PAPSS1: variants seen among roughly 807,000 people sequenced by gnomAD.
PAPSS1 encodes bifunctional 3'-phosphoadenosine 5'-phosphosulfate synthase 1.
In PAPSS1, 50 loss-of-function variants were observed where a neutral mutation model predicts 72.0. The observed-to-expected ratio is 0.69, with a 90% CI of 0.55 to 0.88. The LOEUF (loss-of-function observed/expected upper bound fraction) is 0.88, where lower values mean the gene tolerates loss of function less well. PAPSS1 is among the 40% of genes least tolerant of loss of function. The pLI is 0.00. For synonymous variants in PAPSS1, 261 were observed against 263.6 expected (o/e 0.99, Z 0.09); for missense variants, 657 against 782.2 (o/e 0.84, Z 1.91).
chr4:107,715,513 T>A (rs1235407360), intron 1 of PAPSS1, among the ~76,000 whole-genome samples: 1 of 152,246 alleles, frequency 6.6e-6, no homozygotes, highest in Admixed American at 6.5e-5. Flanking sequence ...TTTTGTATCA[T>A]CTGAGTATTC....
intron 8 of PAPSS1, 66 bp downstream of exon 8, chr4:107,654,629 T>C: frequency 7.9e-7 from 1 of 1,265,432 alleles, no homozygotes; most frequent in Non-Finnish European, 1.2e-6. Flanking sequence ...ACACAGAAAA[T>C]GCCCACATTT....
intron 9 of PAPSS1, among the ~76,000 whole-genome samples, chr4:107,648,267 T>G (rs1446590739): frequency 6.6e-6 from 1 of 152,200 alleles, no homozygotes; most frequent in Non-Finnish European, 1.5e-5. Flanking sequence ...AATGAAGATA[T>G]CAGCATTCCG....
Position 107,644,931 on chromosome 4 carries a change from C to T in PAPSS1, c.1377G>A (p.Lys459=). ...LLLHPLGGWT[K]DDDVPLMWRM... Reference sequence around the variant, plus strand: ...GCCACATCAAAGGAACATCGTCATCCTTTGTCCAGCCACCCAGAGGGTGGA... The same window carrying T: ...GCCACATCAAAGGAACATCGTCATCTTTTGTCCAGCCACCCAGAGGGTGGA... The change falls in exon 10 of 12, where the codon AAG becomes AAA. Residue 459 remains lysine (K), a synonymous_variant. Coordinates refer to ENST00000265174, the MANE Select transcript of PAPSS1 (RefSeq NM_005443.5). 6.2e-7 allele frequency: 1 copy of T among 1,614,072 alleles called. No individual in the cohort carries two copies. The highest frequency in any genetic ancestry group is 8.5e-7 in the Non-Finnish European group (1 of 1,179,968).
intron 1 of PAPSS1, among the ~76,000 whole-genome samples, chr4:107,707,576 C>G (rs1156685481): frequency 6.6e-6 from 1 of 152,124 alleles, no homozygotes; most frequent in Non-Finnish European, 1.5e-5. Context: ...TGCTTACTGC[C>G]CTCTTCCTCC....
intron 2 of PAPSS1, 156 bp from the exon 3 acceptor site, chr4:107,694,162 C>CA (rs1723010418): frequency 3.4e-6 from 2 of 596,028 alleles, no homozygotes; most frequent in East Asian, 5.6e-5. Flanking sequence ...CTCCTGGACT[C>CA]AAGAGATCAT....
intron 11 of PAPSS1, among the ~76,000 whole-genome samples, chr4:107,630,683 G>A (rs1726205057): frequency 6.6e-6 from 1 of 151,920 alleles, no homozygotes; most frequent in African/African-American, 2.4e-5. Context: ...TAAGATCTTT[G>A]AAGACAGAAG....
At chr4:107,664,194 TGGTAAGA>T (rs1727258268) in intron 5 of PAPSS1, among the ~76,000 whole-genome samples, 1 of 152,174 alleles carries the variant, frequency 6.6e-6, no homozygotes, top group Admixed American at 6.6e-5. Flanking sequence ...TCAACTTCAA[TGGTAAGA>T]AAAACTCTAT....
At chr4:107,626,037 G>A (rs538082458) in intron 11 of PAPSS1, among the ~76,000 whole-genome samples, 15 of 151,896 alleles carry the variant, frequency 9.9e-5, no homozygotes, top group Non-Finnish European at 1.6e-4. Flanking sequence ...AAATAGCCGG[G>A]CGCGGTGGCA....
chr4:107,656,754 T>C (rs955970302), intron 7 of PAPSS1, 142 bp downstream of exon 7: 3 of 627,968 alleles, frequency 4.8e-6, no homozygotes, highest in African/African-American at 3.7e-5. Context: ...AAATAAAGTG[T>C]TCGGTACTGA....
chr4:107,654,745 G>C lies in PAPSS1; in HGVS notation c.1051C>G (p.Arg351Gly). 2 of 1,613,708 alleles carry C rather than the reference G, an allele frequency of 1.2e-6. No individual in the cohort carries two copies. Among genetic ancestry groups the C allele is most frequent in the Non-Finnish European group, 1.7e-6 (2 of 1,179,872 alleles). Reference protein sequence around the residue: ...PEFFEHRKEERCARQWGTTCK... With the variant: ...PEFFEHRKEEGCARQWGTTCK... ...GTCGTTCCCCACTGTCTGGCACAGC[G>C]CTCCTCTTTCCTGTGCTCAAAAAAC... Residue 351 changes from arginine (R) to glycine (G), a missense_variant, in exon 8 of 12, where the codon CGC becomes GGC. By Grantham distance (125) the Arg-to-Gly change is moderately radical. Around this residue, in one of 7 missense-constraint regions of PAPSS1, gnomAD observed 190 missense variants for 176.7 expected, o/e 1.07. Coordinates refer to ENST00000265174, the MANE Select transcript of PAPSS1 (RefSeq NM_005443.5).
chr4:107,712,657 G>C (rs1723524983), intron 1 of PAPSS1, among the ~76,000 whole-genome samples: 1 of 152,050 alleles, frequency 6.6e-6, no homozygotes, highest in Non-Finnish European at 1.5e-5. Flanking sequence ...GGTGGATCAT[G>C]AGGTCAAGAG....
intron 5 of PAPSS1, among the ~76,000 whole-genome samples, chr4:107,673,434 T>A (rs1402996829): frequency 1.3e-5 from 2 of 152,090 alleles, no homozygotes; most frequent in East Asian, 3.9e-4. Context: ...CAGTAGCCGA[T>A]TCGATCAACT....
chr4:107,707,726 C>T (rs1723375203), intron 1 of PAPSS1, among the ~76,000 whole-genome samples: 1 of 152,202 alleles, frequency 6.6e-6, no homozygotes, highest in South Asian at 2.1e-4. Flanking sequence ...GTGCGGTCAT[C>T]TCTCACCTGG....
At chr4:107,647,555 T>C (rs1055267592) in intron 9 of PAPSS1, among the ~76,000 whole-genome samples, 11 of 152,154 alleles carry the variant, frequency 7.2e-5, no homozygotes, top group Non-Finnish European at 1.6e-4. Flanking sequence ...TCTCTATGCT[T>C]TTTTTTAAAG....
At chr4:107,704,806 C>A (rs1723294035) in intron 1 of PAPSS1, among the ~76,000 whole-genome samples, 1 of 152,050 alleles carries the variant, frequency 6.6e-6, no homozygotes, top group South Asian at 2.1e-4. Context: ...CAAAAATTAG[C>A]CGGGAATGGT....
At chr4:107,710,960 C>T (rs571702614) in intron 1 of PAPSS1, among the ~76,000 whole-genome samples, 8 of 152,344 alleles carry the variant, frequency 5.3e-5, no homozygotes, top group East Asian at 1.9e-4. Flanking sequence ...TATATACCTG[C>T]GCTGTAAACT....
intron 11 of PAPSS1, among the ~76,000 whole-genome samples, chr4:107,619,204 T>C (rs922163896): frequency 6.6e-6 from 1 of 152,198 alleles, no homozygotes; most frequent in Non-Finnish European, 1.5e-5. Context: ...TTCCCCAGAA[T>C]GCCAAACTGT....
chr4:107,712,530 T>C (rs1723519382), intron 1 of PAPSS1, among the ~76,000 whole-genome samples: 1 of 152,184 alleles, frequency 6.6e-6, no homozygotes, highest in African/African-American at 2.4e-5. Context: ...ATAGCATTTA[T>C]TCATGATAGC....
intron 2 of PAPSS1, among the ~76,000 whole-genome samples, chr4:107,696,647 C>T (rs1016765875): frequency 6.6e-6 from 1 of 151,792 alleles, no homozygotes; most frequent in African/African-American, 2.4e-5. Context: ...GGCTTAAAAC[C>T]CAGATGATGG....
Sources: allele counts gnomAD v4.1 joint callset (sites outside exome capture counted in the v4.1 genomes callset), GRCh38; gene constraint gnomAD v4.1.1; regional missense constraint gnomAD v4.1.1; transcripts MANE v1.5; gene names NCBI Gene and HGNC (gene_info 2026-07-23, HGNC 2026-07-21).